The following PTP4A1 variants were observed in gnomAD, a reference collection of about 807,000 sequenced individuals.
The protein encoded by PTP4A1 is protein tyrosine phosphatase 4A1.
A neutral mutation model predicts 20.5 loss-of-function variants in PTP4A1; 9 were observed. That is an observed-to-expected ratio of 0.44 (90% CI 0.26 to 0.77). The LOEUF (loss-of-function observed/expected upper bound fraction) is 0.77, where lower values mean the gene tolerates loss of function less well. Among genes scored for constraint, PTP4A1 ranks in the 30% least tolerant of loss-of-function variants. The pLI is 0.19. For synonymous variants in PTP4A1, 78 were observed against 67.4 expected, an observed-to-expected ratio of 1.16 and a Z score of -0.77; for missense variants, 137 against 218.8, an observed-to-expected ratio of 0.63 and a Z score of 2.36.
chr6:63,569,569 A>G (rs1451001756), upstream of PTP4A1, among the ~76,000 whole-genome samples: 1 of 152,138 alleles, frequency 6.6e-6, no homozygotes, highest in Non-Finnish European at 1.5e-5. Context: ...ACCATGCTCA[A>G]CTTCCTTATA....
chr6:63,566,086 A>G (rs1777179405), intron 3 of PTP4A1, among the ~76,000 whole-genome samples: 1 of 152,244 alleles, frequency 6.6e-6, no homozygotes, highest in Admixed American at 6.5e-5. Context: ...TATGTCTAAA[A>G]AATGTACATA....
Position 63,579,342 on chromosome 6 carries a change from G to T in PTP4A1, c.404+11G>T. The T allele has an allele frequency of 6.4e-7, 1 of 1,572,450 alleles. No individual in the cohort carries two copies. Among genetic ancestry groups the T allele is most frequent in the Non-Finnish European group, 8.7e-7 (1 of 1,152,032 alleles). The stretch of plus-strand genomic sequence containing the variant: ...ACAATTCATAAGACAGTAAGTAATG[G>T]ATTCTCTTTTCATTTGTACTCTCTT... On this transcript the variant is annotated intron_variant, in intron 5 of 5. Coordinates refer to ENST00000626021, the MANE Select transcript of PTP4A1 (RefSeq NM_003463.5).
At chr6:63,578,550 A>G (rs1012878779) in intron 3 of PTP4A1, 21 bp downstream of exon 3, 2 of 1,603,220 alleles carry the variant, frequency 1.2e-6, no homozygotes, top group Non-Finnish European at 1.7e-6. Flanking sequence ...AACAGTTCTT[A>G]TGGGTTTATG....
chr6:63,547,192 T>G (rs2149487623), intron 2 of PTP4A1, among the ~76,000 whole-genome samples: 1 of 150,254 alleles, frequency 6.7e-6, no homozygotes. Context: ...GGGGAATTTT[T>G]TTTTTTTTTT....
upstream of PTP4A1, chr6:63,521,654 G>A (rs1774930049): frequency 6.6e-6 from 1 of 152,114 alleles, no homozygotes; most frequent in Non-Finnish European, 1.5e-5. Context: ...TGTATAAATT[G>A]CAAAATAAAC....
intron 2 of PTP4A1, chr6:63,549,428 C>T (rs1776340727): frequency 4.0e-6 from 3 of 752,752 alleles, no homozygotes; most frequent in Non-Finnish European, 7.2e-6. Flanking sequence ...AGGGGATTCA[C>T]CACTTTCTTA....
upstream of PTP4A1, among the ~76,000 whole-genome samples, chr6:63,518,477 G>A (rs1411114526): frequency 1.3e-5 from 2 of 152,164 alleles, no homozygotes; most frequent in African/African-American, 2.4e-5. Flanking sequence ...CAGAGGTAAA[G>A]GATAACAACC....
chr6:63,576,663 ACTTCTTTTCTGTTGGC>A lies in PTP4A1; in HGVS notation c.-215_-200del. 1.7e-6 allele frequency: 1 copy of A among 574,174 alleles called. No individual in the cohort carries two copies. Among genetic ancestry groups the A allele is most frequent in the Non-Finnish European group, 3.1e-6 (1 of 327,702 alleles). 35.6% of individuals were successfully genotyped at this position (574,174 alleles called of 1,614,324 possible). A position where few individuals can be genotyped will look rare whatever the true frequency, so the allele number is the denominator to read the frequency against. On this transcript the variant is annotated 5_prime_UTR_variant, in exon 2 of 6. Transcript: ENST00000626021. ...ACCTGGATGGGGTAAACCTCAGTGC[ACTTCTTTTCTGTTGGC>A]CTCAGTATTACTGGATTGAAGAATT...
intron 2 of PTP4A1, among the ~76,000 whole-genome samples, chr6:63,547,498 ATTTT>A (rs752223359): frequency 1.1e-5 from 1 of 90,780 alleles, no homozygotes; most frequent in African/African-American, 4.2e-5. Flanking sequence ...CCAGGGGGGA[ATTTT>A]TTTTTTTTTT....
chr6:63,556,444 G>C (rs1263943722), intron 3 of PTP4A1, among the ~76,000 whole-genome samples: 1 of 152,046 alleles, frequency 6.6e-6, no homozygotes, highest in Non-Finnish European at 1.5e-5. Flanking sequence ...GCCTGCCAAA[G>C]TGCTGGGATT....
chr6:63,572,835 T>A (rs1318592075), intron 1 of PTP4A1, 116 bp downstream of exon 1: 2 of 394,506 alleles, frequency 5.1e-6, no homozygotes, highest in East Asian at 7.2e-5. Context: ...CGGGTTGCGG[T>A]TCCGGTGGGT....
intron 3 of PTP4A1, among the ~76,000 whole-genome samples, chr6:63,564,035 G>A (rs1000361398): frequency 3.3e-5 from 5 of 152,172 alleles, no homozygotes; most frequent in African/African-American, 9.7e-5. Flanking sequence ...AGCACTTTGG[G>A]AGGCCAAGGC....
chr6:63,549,324 C>T, intron 2 of PTP4A1: 1 of 753,822 alleles, frequency 1.3e-6, no homozygotes, highest in East Asian at 2.4e-5. Context: ...CCGCTGCAAC[C>T]TGATATAGTG....
chr6:63,562,786 G>T (rs192468432), intron 3 of PTP4A1, among the ~76,000 whole-genome samples: 2 of 152,268 alleles, frequency 1.3e-5, no homozygotes, highest in Admixed American at 6.5e-5. Flanking sequence ...AAAACCCTCA[G>T]AAATAGTGTC....
intron 2 of PTP4A1, among the ~76,000 whole-genome samples, chr6:63,548,426 A>T (rs1475974704): frequency 6.6e-6 from 1 of 152,178 alleles, no homozygotes; most frequent in East Asian, 1.9e-4. Context: ...TTTGCTACTC[A>T]CAGCAGTATT....
At chr6:63,542,167 C>G (rs1776009056) in intron 2 of PTP4A1, among the ~76,000 whole-genome samples, 1 of 151,990 alleles carries the variant, frequency 6.6e-6, no homozygotes, top group African/African-American at 2.4e-5. Flanking sequence ...TGAAGTAACT[C>G]AGGAATGGGA....
At chr6:63,535,830 T>C (rs541335640) in intron 2 of PTP4A1, among the ~76,000 whole-genome samples, 3 of 152,298 alleles carry the variant, frequency 2.0e-5, no homozygotes, top group African/African-American at 7.2e-5. Flanking sequence ...AGTCCAGCAC[T>C]TTTTTATTTT....
chr6:63,517,899 A>G (rs534363955), upstream of PTP4A1, among the ~76,000 whole-genome samples: 1 of 152,278 alleles, frequency 6.6e-6, no homozygotes, highest in South Asian at 2.1e-4. Flanking sequence ...CACGCCTGCA[A>G]TCCCAACACT....
chr6:63,547,702 G>A (rs751549856), intron 2 of PTP4A1, among the ~76,000 whole-genome samples: 3 of 148,552 alleles, frequency 2.0e-5, no homozygotes, highest in Admixed American at 6.7e-5. Context: ...CAGTAGAGAC[G>A]GGGTTTCACC....
Sources: allele counts gnomAD v4.1 joint callset (sites outside exome capture counted in the v4.1 genomes callset), GRCh38; gene constraint gnomAD v4.1.1; transcripts MANE v1.5; gene names NCBI Gene and HGNC (gene_info 2026-07-23, HGNC 2026-07-21).